Variants in SNRK observed in about 807,000 individuals in gnomAD.
SNRK encodes the protein SNF-related serine/threonine-protein kinase.
Under a neutral mutation model 48.2 loss-of-function variants are expected in SNRK, and 3 were observed. The observed-to-expected ratio is 0.06, with a 90% CI of 0.03 to 0.16. The LOEUF is 0.16. Among genes scored for constraint, SNRK ranks in the 10% least tolerant of loss-of-function variants. The probability of loss-of-function intolerance (pLI) is 1.00; values close to 1 mark genes in which losing one functional copy is unlikely to be tolerated. For missense variants in SNRK, 627 were observed against 976.0 expected (o/e 0.64, Z 4.76); for synonymous variants, 376 against 366.1 (o/e 1.03, Z -0.31).
chr3:43,292,511 G>T (rs914919148), intron 1 of SNRK, among the ~76,000 whole-genome samples: 2 of 152,166 alleles, frequency 1.3e-5, no homozygotes, highest in Admixed American at 6.5e-5. Flanking sequence ...TGTCCAGCAC[G>T]GTTGCTTAAA....
Position 43,347,461 on chromosome 3 carries a change from G to A in SNRK, c.1202G>A (p.Gly401Asp). Residue 401 changes from glycine to aspartate, a missense_variant, in exon 7 of 7, where the codon GGC becomes GAC. This residue lies in a region of SNRK where 175 missense variants were observed against 209.7 expected (regional missense o/e 0.83). Transcript: ENST00000296088. This position sits in a 1 kb window ranked among gnomAD's most constrained non-coding sequence, Gnocchi z 5.4. ...PARAADSVLN[G>D]HRSKGLCDSA... ...CGGGCTGCTGACAGTGTCCTCAATGGCCACAGGAGCAAAGGCCTGTGTGAC... is the reference window on the plus strand; with the variant it reads ...CGGGCTGCTGACAGTGTCCTCAATGACCACAGGAGCAAAGGCCTGTGTGAC... The A allele has an allele frequency of 6.2e-7, 1 of 1,614,012 alleles. No homozygotes were observed. Among genetic ancestry groups the A allele is most frequent in the Non-Finnish European group, 8.5e-7 (1 of 1,179,994 alleles).
chr3:43,320,176 A>G (rs1486516649), intron 3 of SNRK, among the ~76,000 whole-genome samples: 1 of 152,164 alleles, frequency 6.6e-6, no homozygotes, highest in Non-Finnish European at 1.5e-5. Flanking sequence ...TTTCATGGAT[A>G]TGACTTGAGT....
At chr3:43,322,746 A>G (rs1050400227) in intron 3 of SNRK, among the ~76,000 whole-genome samples, 1 of 151,920 alleles carries the variant, frequency 6.6e-6, no homozygotes, top group Non-Finnish European at 1.5e-5. Flanking sequence ...AGGTCAGGAG[A>G]TCGAGACCAT....
At chr3:43,308,722 T>G (rs917295940) in intron 3 of SNRK, among the ~76,000 whole-genome samples, 3 of 152,166 alleles carry the variant, frequency 2.0e-5, no homozygotes, top group African/African-American at 7.2e-5. Context: ...ACAAGGAAAT[T>G]GATGTTGTTT....
intron 3 of SNRK, among the ~76,000 whole-genome samples, chr3:43,330,432 C>T (rs2091137509): frequency 6.6e-6 from 1 of 152,102 alleles, no homozygotes; most frequent in South Asian, 2.1e-4. Context: ...TTGTAATTGC[C>T]ACTTGTTCAC....
intron 5 of SNRK, among the ~76,000 whole-genome samples, chr3:43,342,003 G>A (rs2091241703): frequency 6.6e-6 from 1 of 152,224 alleles, no homozygotes; most frequent in Admixed American, 6.5e-5. Context: ...GACACTTGCT[G>A]TTTCTGCTAC....
In SNRK at chr3:43,303,251, T is replaced by C. The variant is rs750914233; in HGVS notation, c.48T>C (p.Tyr16=). 2 of 1,614,220 alleles carry C rather than the reference T, an allele frequency of 1.2e-6. No homozygotes were observed. The highest frequency in any genetic ancestry group is 1.7e-6 in the Non-Finnish European group (2 of 1,180,026). The change falls in exon 3 of 7, where the codon TAT becomes TAC. Residue 16 remains tyrosine, a synonymous_variant. Coordinates refer to ENST00000296088, the MANE Select transcript of SNRK (RefSeq NM_017719.5). This position sits in a 1 kb window ranked among gnomAD's most constrained non-coding sequence, Gnocchi z 6.2. ...RGYDGKIAGL[Y]DLDKTLGRGH... is the part of the protein sequence containing the mutation. ...ATGATGGAAAGATTGCTGGATTATA[T>C]GATCTGGATAAAACCTTGGGTCGAG...
rs971940774 is a variant in SNRK, at chr3:43,338,916, T to G, written c.732-1371T>G. ...ATTTTCAAGATTCTCTTTCATGTCT[T>G]AAACATATTTAACACAGTTACATTT... On this transcript the variant is annotated intron_variant, in intron 4 of 6. Coordinates refer to ENST00000296088, the MANE Select transcript of SNRK (RefSeq NM_017719.5). Among the ~76,000 whole-genome samples, 4 of 152,206 alleles carry G rather than the reference T, an allele frequency of 2.6e-5. No individual in the cohort carries two copies. The East Asian group carries it at 7.7e-4, about 29-fold the overall frequency.
At chr3:43,331,962 C>A (rs1346030536) in intron 3 of SNRK, among the ~76,000 whole-genome samples, 1 of 152,188 alleles carries the variant, frequency 6.6e-6, no homozygotes, top group African/African-American at 2.4e-5. Flanking sequence ...ATTGACCATT[C>A]ACTGTGTACT....
chr3:43,341,190 G>C (rs1488611069), intron 5 of SNRK, among the ~76,000 whole-genome samples: 1 of 150,492 alleles, frequency 6.6e-6, no homozygotes, highest in African/African-American at 2.4e-5. Context: ...TCGCTCTGTC[G>C]CTCAGGCTGG....
intron 3 of SNRK, among the ~76,000 whole-genome samples, chr3:43,309,095 T>C (rs1037350294): frequency 6.6e-6 from 1 of 152,206 alleles, no homozygotes. Context: ...TGCTGCAGTC[T>C]CTTGATAAAA....
chr3:43,335,138 A>G (rs181893206), intron 4 of SNRK, among the ~76,000 whole-genome samples: 21 of 152,196 alleles, frequency 1.4e-4, no homozygotes, highest in African/African-American at 5.1e-4. Context: ...ACTCACTTCC[A>G]TGGGCTAATT....
intron 3 of SNRK, among the ~76,000 whole-genome samples, chr3:43,319,957 C>CT (rs2125631428): frequency 6.6e-6 from 1 of 152,250 alleles, no homozygotes; most frequent in South Asian, 2.1e-4. Context: ...ACTATGAAGC[C>CT]CTTTTTTGGA....
At chr3:43,322,604 A>T (rs181489464) in intron 3 of SNRK, among the ~76,000 whole-genome samples, 2 of 152,188 alleles carry the variant, frequency 1.3e-5, no homozygotes, top group Admixed American at 6.5e-5. Flanking sequence ...AAAAAGTTTA[A>T]CCTTGCAAAT....
intron 3 of SNRK, among the ~76,000 whole-genome samples, chr3:43,324,737 T>C (rs2091082019): frequency 1.3e-5 from 2 of 152,166 alleles, no homozygotes; most frequent in Non-Finnish European, 2.9e-5. Flanking sequence ...ATTTTTTTAA[T>C]ACAGGAAAAT....
At chr3:43,345,200 A>G (rs971386297) in intron 6 of SNRK, among the ~76,000 whole-genome samples, 1 of 152,172 alleles carries the variant, frequency 6.6e-6, no homozygotes, top group East Asian at 1.9e-4. Context: ...CTTTTTTTCT[A>G]TGGCACAGGG....
rs1453109722 is a variant in SNRK at position 43,349,766 on chromosome 3, C to G, written c.*1209C>G. The stretch of plus-strand genomic sequence containing the variant: ...AGACTGTTTTTGACCAGATAATCAT[C>G]TGTTGTGGCATTCTATCTTGTAGGA... On this transcript the variant is annotated 3_prime_UTR_variant, in exon 7 of 7. Transcript: ENST00000296088. 1.3e-5 allele frequency: 2 copies of G among 152,208 alleles called. No homozygotes were observed. Among genetic ancestry groups the G allele is most frequent in the African/African-American group, 4.8e-5 (2 of 41,430 alleles). The allele number at this position is 152,208 out of a possible 1,614,324, so 9.4% of individuals were successfully genotyped here.
chr3:43,309,617 T>TG (rs975794710), intron 3 of SNRK, among the ~76,000 whole-genome samples: 13 of 151,386 alleles, frequency 8.6e-5, no homozygotes, highest in Middle Eastern at 3.4e-3. Flanking sequence ...ATAAGGTTTT[T>TG]TTTTTTTTTT....
chr3:43,335,593 T>C (rs1161318666), intron 4 of SNRK, among the ~76,000 whole-genome samples: 3 of 152,226 alleles, frequency 2.0e-5, no homozygotes, highest in Admixed American at 6.5e-5. Context: ...TTTTTTATTA[T>C]GCTGTTCAAA....
Sources: allele counts gnomAD v4.1 joint callset (sites outside exome capture counted in the v4.1 genomes callset), GRCh38; gene constraint gnomAD v4.1.1; regional missense constraint gnomAD v4.1.1; non-coding constraint Gnocchi (gnomAD v3.1); transcripts MANE v1.5; gene names NCBI Gene and HGNC (gene_info 2026-07-23, HGNC 2026-07-21).